GRM3: variants seen among roughly 807,000 people sequenced by gnomAD.
The protein encoded by GRM3 is metabotropic glutamate receptor 3.
A neutral mutation model predicts 70.5 loss-of-function variants in GRM3; 26 were observed. The observed-to-expected ratio is 0.37, with a 90% confidence interval of 0.27 to 0.51. GRM3 has a LOEUF of 0.51. Ranked by LOEUF, GRM3 falls within the 20% of genes least tolerant of loss-of-function variation. The pLI, the probability that GRM3 is intolerant of heterozygous loss-of-function variation, is 0.93. For missense variants in GRM3, 859 were observed against 1,123.8 expected (o/e 0.76, Z 3.37); for synonymous variants, 443 against 434.9 (o/e 1.02, Z -0.23).
chr7:86,819,950 A>G (rs2116681255), intron 3 of GRM3, among the ~76,000 whole-genome samples: 1 of 152,306 alleles, frequency 6.6e-6, no homozygotes, highest in South Asian at 2.1e-4. Context: ...CCTCGAATAT[A>G]TCCTTTCTAC....
chr7:86,753,623 G>A (rs60332174), intron 1 of GRM3, among the ~76,000 whole-genome samples: 3,801 of 151,724 alleles, frequency 0.025, 156 homozygotes, highest in African/African-American at 0.085. Context: ...TAAAATGCTC[G>A]CTGTGATTTG....
intron 1 of GRM3, among the ~76,000 whole-genome samples, chr7:86,747,508 G>C (rs1477634655): frequency 6.6e-6 from 1 of 151,864 alleles, no homozygotes; most frequent in Non-Finnish European, 1.5e-5. Context: ...CTCTTTATAG[G>C]TTTTATATTG....
intron 1 of GRM3, among the ~76,000 whole-genome samples, chr7:86,726,654 A>G (rs1795599357): frequency 1.3e-5 from 2 of 152,156 alleles, no homozygotes; most frequent in Non-Finnish European, 2.9e-5. Context: ...CCACAGAAGT[A>G]CCACTTTTCA....
chr7:86,745,039 A>C lies in GRM3; in HGVS notation c.-140-19967A>C, dbSNP rs1428893631. ...AAATGGCTGATTTATGATGTGGAACAAAGTTGGGCTTTCACATTTACATAT... is the reference window on the plus strand; with the variant it reads ...AAATGGCTGATTTATGATGTGGAACCAAGTTGGGCTTTCACATTTACATAT... On this transcript the variant is annotated intron_variant, in intron 1 of 5. Transcript: ENST00000361669. 3.9e-5 allele frequency among the ~76,000 whole-genome samples: 6 copies of C among 152,066 alleles called. No individual in the cohort carries two copies. The East Asian group carries it at 1.2e-3, about 29-fold the overall frequency.
At chr7:86,772,320 C>A (rs1299480137) in intron 2 of GRM3, among the ~76,000 whole-genome samples, 1 of 151,998 alleles carries the variant, frequency 6.6e-6, no homozygotes, top group Non-Finnish European at 1.5e-5. Flanking sequence ...CAACCATCAC[C>A]CACCTATTCT....
At chr7:86,823,152 T>G (rs997755614) in intron 3 of GRM3, among the ~76,000 whole-genome samples, 2 of 152,114 alleles carry the variant, frequency 1.3e-5, no homozygotes, top group Admixed American at 1.3e-4. Flanking sequence ...ATAGAAATAA[T>G]AATGGCTTCC....
intron 1 of GRM3, among the ~76,000 whole-genome samples, chr7:86,726,419 T>C (rs187165598): frequency 6.6e-6 from 1 of 152,268 alleles, no homozygotes; most frequent in African/African-American, 2.4e-5. Context: ...CTAACTCTGA[T>C]TATCCTCATT....
rs549339491 is a variant in GRM3 at position 86,677,158 on chromosome 7, C to A, written c.-141+32286C>A. Among the ~76,000 whole-genome samples the A allele has an allele frequency of 9.8e-4, 149 of 152,086 alleles. 1 individual carries two copies. Among genetic ancestry groups the A allele is most frequent in the Non-Finnish European group, 1.2e-3 (81 of 67,940 alleles). ...CCTGAGTCTTCATTAGCCCACTCTGCATTTTCTCATTTATATGACTTGACT... is the reference window on the plus strand; with the variant it reads ...CCTGAGTCTTCATTAGCCCACTCTGAATTTTCTCATTTATATGACTTGACT... On this transcript the variant is annotated intron_variant, in intron 1 of 5. Transcript: ENST00000361669.
chr7:86,687,494 T>A (rs200205986), intron 1 of GRM3, among the ~76,000 whole-genome samples: 1 of 78,712 alleles, frequency 1.3e-5, no homozygotes, highest in Admixed American at 2.2e-4. Flanking sequence ...AAAAATAATA[T>A]TATCAACCTA....
chr7:86,850,447 T>A lies in GRM3; in HGVS notation c.2469T>A (p.Val823=). 1 of 1,612,444 alleles carries A rather than the reference T, an allele frequency of 6.2e-7. No homozygotes were observed. The highest frequency in any genetic ancestry group is 8.5e-7 in the Non-Finnish European group (1 of 1,178,628). The stretch of plus-strand genomic sequence containing the variant: ...TGGGCTGTTTGTTTGCACCCAAGGT[T>A]CACATCATCCTGTTTCAACCCCAGA... ...VVLGCLFAPK[V]HIILFQPQKN... Residue 823 remains valine, a synonymous_variant, in exon 5 of 6, where the codon GTT becomes GTA. Coordinates refer to ENST00000361669, the MANE Select transcript of GRM3 (RefSeq NM_000840.3).
At chr7:86,664,481 G>A (rs1793975197) in intron 1 of GRM3, among the ~76,000 whole-genome samples, 1 of 151,684 alleles carries the variant, frequency 6.6e-6, no homozygotes, top group Non-Finnish European at 1.5e-5. Flanking sequence ...TTCCTTTTAG[G>A]GGAAGCTCAA....
intron 1 of GRM3, among the ~76,000 whole-genome samples, chr7:86,673,012 T>A (rs10263729): frequency 0.34 from 51,446 of 151,990 alleles, 9,189 homozygotes; most frequent in African/African-American, 0.45. Flanking sequence ...AACTTTAAAA[T>A]CTTTCAGTAT....
intron 3 of GRM3, among the ~76,000 whole-genome samples, chr7:86,790,048 A>G (rs2116567982): frequency 6.6e-6 from 1 of 152,044 alleles, no homozygotes; most frequent in African/African-American, 2.4e-5. Flanking sequence ...CATTAGCACT[A>G]CTTGCAGTTC....
intron 1 of GRM3, among the ~76,000 whole-genome samples, chr7:86,652,624 C>T (rs1181135000): frequency 2.0e-5 from 3 of 152,134 alleles, no homozygotes; most frequent in Non-Finnish European, 4.4e-5. Context: ...CCATGGTGCC[C>T]GGCCAGTAGC....
intron 1 of GRM3, among the ~76,000 whole-genome samples, chr7:86,755,821 G>A (rs1318394525): frequency 1.3e-5 from 2 of 152,098 alleles, no homozygotes; most frequent in African/African-American, 4.8e-5. Context: ...TATATACAGA[G>A]AGAAGTAAAA....
chr7:86,785,817 G>A (rs1010756492), intron 2 of GRM3, among the ~76,000 whole-genome samples: 2 of 150,756 alleles, frequency 1.3e-5, no homozygotes, highest in Non-Finnish European at 2.9e-5. Context: ...GCAAAAGAGG[G>A]GGAAGTGAGA....
chr7:86,744,435 T>C (rs79810306), intron 1 of GRM3, among the ~76,000 whole-genome samples: 6,039 of 151,720 alleles, frequency 0.04, 217 homozygotes, highest in African/African-American at 0.094. Flanking sequence ...CAGATTCTAC[T>C]CTATAGTGGA....
intron 1 of GRM3, among the ~76,000 whole-genome samples, chr7:86,684,658 T>A (rs984381840): frequency 1.3e-5 from 2 of 152,228 alleles, no homozygotes; most frequent in African/African-American, 4.8e-5. Flanking sequence ...TATTGTAAAG[T>A]GAACTTAGCA....
At chr7:86,708,312 A>G (rs1294993341) in intron 1 of GRM3, among the ~76,000 whole-genome samples, 1 of 152,148 alleles carries the variant, frequency 6.6e-6, no homozygotes, top group Non-Finnish European at 1.5e-5. Context: ...CAGTTCTCCA[A>G]TCACCACCCC....
Sources: gnomAD v4.1 joint callset for allele counts (sites outside exome capture counted in the v4.1 genomes callset) on GRCh38, gnomAD v4.1.1 for gene constraint, MANE v1.5 for transcripts, NCBI Gene and HGNC (gene_info 2026-07-23, HGNC 2026-07-21) for gene names.